Variants in LTBP1 observed in about 807,000 individuals in gnomAD.
LTBP1 encodes the protein latent transforming growth factor beta binding protein 1, also known as latent-transforming growth factor beta-binding protein 1.
In LTBP1, 129 loss-of-function variants were observed where a neutral mutation model predicts 207.6. The observed-to-expected ratio is 0.62, with a 90% CI of 0.54 to 0.72. The LOEUF (loss-of-function observed/expected upper bound fraction) is 0.72. Ranked by LOEUF, LTBP1 falls within the 30% of genes least tolerant of loss-of-function variation. The pLI is 0.00. For missense variants in LTBP1, 2,281 were observed against 2,217.2 expected, an observed-to-expected ratio of 1.03 and a Z score of -0.58; for synonymous variants, 963 against 833.7, an observed-to-expected ratio of 1.16 and a Z score of -2.67.
At position 33,188,604 on chromosome 2, in the gene LTBP1, T is replaced by G; in HGVS notation, c.1454T>G (p.Ile485Ser). The change falls in exon 7 of 34, where the codon ATC becomes AGC. Residue 485 changes from isoleucine to serine, a missense_variant. This residue lies in a region of LTBP1 where 1,671 missense variants were observed against 1,634.8 expected (regional missense o/e 1.02). Transcript: ENST00000404816. Reference sequence around the variant, plus strand: ...AAATTTCCTCCTAACATAGTCAATATCCATGTGAAACATCCTCCTGAAGCT... The same window carrying G: ...AAATTTCCTCCTAACATAGTCAATAGCCATGTGAAACATCCTCCTGAAGCT... ...KVKFPPNIVN[I>S]HVKHPPEASV... The G allele has an allele frequency of 1.2e-6, 2 of 1,613,674 alleles. No individual in the cohort carries two copies. Among genetic ancestry groups the G allele is most frequent in the Non-Finnish European group, 1.7e-6 (2 of 1,179,950 alleles).
chr2:33,050,742 T>G (rs1167790671), intron 3 of LTBP1, among the ~76,000 whole-genome samples: 1 of 151,908 alleles, frequency 6.6e-6, no homozygotes, highest in Non-Finnish European at 1.5e-5. Flanking sequence ...ACTCTCTTTT[T>G]TTTTTTTTTG....
At chr2:33,114,012 T>C (rs1311650582) in intron 4 of LTBP1, among the ~76,000 whole-genome samples, 1 of 152,210 alleles carries the variant, frequency 6.6e-6, no homozygotes, top group Non-Finnish European at 1.5e-5. Flanking sequence ...CAGCTAGTTT[T>C]TGTATTTTTA....
At chr2:33,314,818 C>T (rs1382596683) in intron 23 of LTBP1, among the ~76,000 whole-genome samples, 1 of 152,182 alleles carries the variant, frequency 6.6e-6, no homozygotes, top group Non-Finnish European at 1.5e-5. Context: ...ACAGCATTCT[C>T]ACCAATGAAG....
chr2:33,112,143 T>C (rs531536774), intron 4 of LTBP1, among the ~76,000 whole-genome samples: 51 of 152,320 alleles, frequency 3.3e-4, no homozygotes, highest in Admixed American at 1.4e-3. Context: ...ATGATTATAC[T>C]GATAAGAGAA....
chr2:33,296,136 T>C (rs895309799), intron 20 of LTBP1, among the ~76,000 whole-genome samples: 1 of 152,226 alleles, frequency 6.6e-6, no homozygotes, highest in African/African-American at 2.4e-5. Context: ...TGGATGAGGA[T>C]CTCAAGCCTT....
chr2:33,305,422 G>T (rs1161733930), intron 22 of LTBP1, among the ~76,000 whole-genome samples: 1 of 147,690 alleles, frequency 6.8e-6, no homozygotes, highest in Non-Finnish European at 1.5e-5. Flanking sequence ...GAGTGTTGAG[G>T]AAGGGTGGTG....
chr2:33,171,120 C>T (rs1205338493), intron 5 of LTBP1, among the ~76,000 whole-genome samples: 2 of 125,856 alleles, frequency 1.6e-5, no homozygotes, highest in South Asian at 2.4e-4. Context: ...TCCAAAGGAA[C>T]GCAGTTCCTC....
intron 19 of LTBP1, among the ~76,000 whole-genome samples, chr2:33,292,838 G>A (rs1364531623): frequency 6.6e-6 from 1 of 152,120 alleles, no homozygotes; most frequent in African/African-American, 2.4e-5. Flanking sequence ...TTTGGAAAAT[G>A]CTTTCTTGTA....
intron 4 of LTBP1, 102 bp downstream of exon 4, chr2:33,110,853 T>A (rs1162764303): frequency 2.7e-6 from 3 of 1,094,134 alleles, no homozygotes; most frequent in Non-Finnish European, 3.7e-6. Flanking sequence ...TAAATAAAAT[T>A]CAAGAGTCAT....
intron 11 of LTBP1, among the ~76,000 whole-genome samples, chr2:33,254,423 G>A (rs987454500): frequency 4.0e-5 from 6 of 151,558 alleles, no homozygotes; most frequent in African/African-American, 1.5e-4. Context: ...TGGAACTCAG[G>A]GATACTCCTC....
At chr2:33,190,868 A>G (rs1360768478) in intron 7 of LTBP1, among the ~76,000 whole-genome samples, 1 of 152,208 alleles carries the variant, frequency 6.6e-6, no homozygotes, top group Non-Finnish European at 1.5e-5. Flanking sequence ...GTGGCTTTTC[A>G]TTCCCCAGTT....
chr2:33,339,006 C>T (rs2094584769), intron 24 of LTBP1, among the ~76,000 whole-genome samples: 1 of 151,818 alleles, frequency 6.6e-6, no homozygotes, highest in African/African-American at 2.4e-5. Context: ...TTGCATTTTG[C>T]AGAGAGCACA....
chr2:32,962,185 G>A (rs1038846432), intron 2 of LTBP1, among the ~76,000 whole-genome samples: 2 of 152,036 alleles, frequency 1.3e-5, no homozygotes, highest in African/African-American at 4.8e-5. Flanking sequence ...AATGTCTCTG[G>A]TACACCTCCT....
At chr2:33,167,361 C>CAAAAA (rs80088509) in intron 5 of LTBP1, among the ~76,000 whole-genome samples, 5 of 112,882 alleles carry the variant, frequency 4.4e-5, no homozygotes, top group East Asian at 2.7e-4. Flanking sequence ...TTTGTACATT[C>CAAAAA]AAAAAAAAAA....
At chr2:33,303,207 G>A (rs993240240) in intron 22 of LTBP1, among the ~76,000 whole-genome samples, 1 of 152,172 alleles carries the variant, frequency 6.6e-6, no homozygotes. Flanking sequence ...TAACTGGTAA[G>A]GTATATTCTA....
chr2:33,161,521 C>A (rs1050394099), intron 5 of LTBP1, among the ~76,000 whole-genome samples: 1 of 152,208 alleles, frequency 6.6e-6, no homozygotes, highest in Non-Finnish European at 1.5e-5. Flanking sequence ...CCTGCCTCAG[C>A]CTTCCAAAGT....
intron 9 of LTBP1, among the ~76,000 whole-genome samples, chr2:33,228,906 T>A (rs927387221): frequency 2.0e-5 from 3 of 151,600 alleles, no homozygotes; most frequent in Non-Finnish European, 4.4e-5. Context: ...TCACCATGTT[T>A]GCCAGGATGG....
rs568292971 is a variant in LTBP1 at position 33,194,244 on chromosome 2, C to T, written c.1701+5393C>T. Among the ~76,000 whole-genome samples, 559 of 152,190 alleles carry T rather than the reference C, an allele frequency of 3.7e-3. 2 individuals carry two copies. The highest frequency in any genetic ancestry group is 6.0e-3 in the Non-Finnish European group (405 of 68,000). On this transcript the variant is annotated intron_variant, in intron 7 of 33. Coordinates refer to ENST00000404816, the MANE Select transcript of LTBP1 (RefSeq NM_206943.4). ...TCGTGATCCACCCTCCTCGGCCTCCCAAAGTGCTGGGGTTACAGACGTGAG... is the reference window on the plus strand; with the variant it reads ...TCGTGATCCACCCTCCTCGGCCTCCTAAAGTGCTGGGGTTACAGACGTGAG...
intron 12 of LTBP1, 69 bp downstream of exon 12, chr2:33,257,580 A>G: frequency 1.5e-6 from 2 of 1,309,002 alleles, no homozygotes; most frequent in South Asian, 1.3e-5. Flanking sequence ...TTCCCTGTTT[A>G]TAACCCTCTA....
Sources: allele counts gnomAD v4.1 joint callset (sites outside exome capture counted in the v4.1 genomes callset), GRCh38; gene constraint gnomAD v4.1.1; regional missense constraint gnomAD v4.1.1; transcripts MANE v1.5; gene names NCBI Gene and HGNC (gene_info 2026-07-23, HGNC 2026-07-21).